KCND2: variants seen among roughly 807,000 people sequenced by gnomAD.
KCND2 encodes the protein A-type voltage-gated potassium channel KCND2.
KCND2 carries 16 observed loss-of-function variants against 54.4 expected under a neutral mutation model. The observed-to-expected ratio is 0.29, with a 90% confidence interval of 0.20 to 0.45. The LOEUF is 0.45. KCND2 is among the 20% of genes least tolerant of loss of function. The pLI is 1.00. For synonymous variants in KCND2, 317 were observed against 310.7 expected (o/e 1.02, Z -0.21); for missense variants, 486 against 824.2 (o/e 0.59, Z 5.02).
chr7:120,735,230 G>A (rs1048721383), intron 2 of KCND2, among the ~76,000 whole-genome samples: 1 of 151,970 alleles, frequency 6.6e-6, no homozygotes, highest in African/African-American at 2.4e-5. Context: ...GTAGTCTTAT[G>A]TAGGGAATAC....
rs181115405 is a variant in KCND2, at chr7:120,733,084, G to A, written c.1278+19G>A. ...ACAAAAGGTGCGTATTCAACTCCGT[G>A]CAACCATGGTTTAGCACTTCCCACT... On this transcript the variant is annotated intron_variant, in intron 2 of 5. Coordinates refer to ENST00000331113, the MANE Select transcript of KCND2 (RefSeq NM_012281.3). 1.2e-4 allele frequency: 201 copies of A among 1,612,860 alleles called. No individual in the cohort carries two copies. In the East Asian group the frequency reaches 3.6e-3, roughly 29 times the overall value.
At chr7:120,640,228 C>T (rs1409907059) in intron 1 of KCND2, among the ~76,000 whole-genome samples, 3 of 151,934 alleles carry the variant, frequency 2.0e-5, no homozygotes, top group Admixed American at 6.6e-5. Flanking sequence ...ATGTTGGCAC[C>T]ACCACCAAAG....
At chr7:120,647,679 AG>A (rs1370934725) in intron 1 of KCND2, among the ~76,000 whole-genome samples, 1 of 152,244 alleles carries the variant, frequency 6.6e-6, no homozygotes, top group Non-Finnish European at 1.5e-5. Context: ...ATTACTGTTT[AG>A]TACAATACTG....
At chr7:120,547,775 A>G (rs563398409) in intron 1 of KCND2, among the ~76,000 whole-genome samples, 1 of 152,214 alleles carries the variant, frequency 6.6e-6, no homozygotes, top group African/African-American at 2.4e-5. Context: ...TGTCTGTGCT[A>G]TAGAATGTCA....
intron 1 of KCND2, among the ~76,000 whole-genome samples, chr7:120,657,347 A>T (rs78877381): frequency 0.034 from 5,224 of 152,262 alleles, 211 homozygotes; most frequent in African/African-American, 0.1. Context: ...AGGCATTGAT[A>T]TCTATATATC....
intron 1 of KCND2, among the ~76,000 whole-genome samples, chr7:120,601,883 A>G (rs182598604): frequency 5.1e-4 from 77 of 152,318 alleles, no homozygotes; most frequent in African/African-American, 1.9e-3. Flanking sequence ...TTATAGGTTC[A>G]CCTGCTCACG....
At chr7:120,681,586 G>A (rs934431775) in intron 1 of KCND2, among the ~76,000 whole-genome samples, 3 of 151,602 alleles carry the variant, frequency 2.0e-5, no homozygotes, top group Non-Finnish European at 4.4e-5. Flanking sequence ...AAATGAAGAA[G>A]TATGTATTGC....
intron 1 of KCND2, among the ~76,000 whole-genome samples, chr7:120,475,625 C>A (rs769314999): frequency 1.2e-4 from 19 of 152,132 alleles, no homozygotes; most frequent in Non-Finnish European, 1.9e-4. Context: ...TGTCAAATAA[C>A]AACATGGTGG....
chr7:120,493,551 G>A (rs1043907988), intron 1 of KCND2, among the ~76,000 whole-genome samples: 4 of 151,988 alleles, frequency 2.6e-5, no homozygotes, highest in African/African-American at 9.7e-5. Flanking sequence ...ATAGAAAATT[G>A]ACAAAGGACA....
chr7:120,606,826 T>C (rs1458242152), intron 1 of KCND2, among the ~76,000 whole-genome samples: 3 of 152,154 alleles, frequency 2.0e-5, no homozygotes, highest in Non-Finnish European at 4.4e-5. Flanking sequence ...AATGGAAAGA[T>C]GTTCAGACCT....
At chr7:120,595,219 A>G (rs1056446319) in intron 1 of KCND2, among the ~76,000 whole-genome samples, 4 of 151,172 alleles carry the variant, frequency 2.6e-5, no homozygotes, top group African/African-American at 9.7e-5. Flanking sequence ...TTGGAGGCCG[A>G]GACGGGCAAA....
At chr7:120,697,461 A>G (rs532101541) in intron 1 of KCND2, among the ~76,000 whole-genome samples, 2 of 152,322 alleles carry the variant, frequency 1.3e-5, no homozygotes, top group South Asian at 2.1e-4. Flanking sequence ...ATTCCTCATA[A>G]CAAAGAGTCC....
At chr7:120,628,513 C>T (rs538186215) in intron 1 of KCND2, among the ~76,000 whole-genome samples, 1 of 152,148 alleles carries the variant, frequency 6.6e-6, no homozygotes, top group Non-Finnish European at 1.5e-5. Context: ...TGAGGTAATC[C>T]TAATTTTTCA....
intron 1 of KCND2, among the ~76,000 whole-genome samples, chr7:120,684,731 G>T (rs1434479717): frequency 6.6e-6 from 1 of 152,164 alleles, no homozygotes; most frequent in East Asian, 1.9e-4. Context: ...AGTATTTACA[G>T]CCACTCCCCA....
At chr7:120,295,400 A>ACACAAACACACC (rs1799497669) in intron 1 of KCND2, among the ~76,000 whole-genome samples, 3 of 149,748 alleles carry the variant, frequency 2.0e-5, no homozygotes, top group African/African-American at 7.5e-5. Flanking sequence ...ACAGACACAC[A>ACACAAACACACC]CACACACACA....
Position 120,598,191 on chromosome 7 carries a change from T to C in KCND2, c.1116-134712T>C, listed in dbSNP as rs114654298. Among the ~76,000 whole-genome samples, 745 of 152,302 alleles carry C rather than the reference T, an allele frequency of 4.9e-3. 8 individuals are homozygous for C. The highest frequency in any genetic ancestry group is 0.017 in the African/African-American group (704 of 41,576). ...AATGAGGAAAAGTCAATTCATTCTT[T>C]ATGACTTAAAATTTAATATCATTTA... On this transcript the variant is annotated intron_variant, in intron 1 of 5. Transcript: ENST00000331113.
intron 1 of KCND2, among the ~76,000 whole-genome samples, chr7:120,476,565 A>C (rs1802536286): frequency 1.3e-5 from 2 of 152,334 alleles, no homozygotes; most frequent in South Asian, 4.1e-4. Flanking sequence ...GTCAATTAAG[A>C]CATTAAACTT....
chr7:120,627,380 TC>T (rs1793176740), intron 1 of KCND2, among the ~76,000 whole-genome samples: 1 of 152,208 alleles, frequency 6.6e-6, no homozygotes, highest in Non-Finnish European at 1.5e-5. Flanking sequence ...GAGTGTTTAT[TC>T]CTTTTATCAA....
At chr7:120,613,409 T>TAATC (rs1389129916) in intron 1 of KCND2, among the ~76,000 whole-genome samples, 2 of 152,104 alleles carry the variant, frequency 1.3e-5, no homozygotes, top group Admixed American at 6.6e-5. Flanking sequence ...CGCACGCCTG[T>TAATC]AATCACAGTT....
Sources: allele counts gnomAD v4.1 joint callset (sites outside exome capture counted in the v4.1 genomes callset), GRCh38; gene constraint gnomAD v4.1.1; transcripts MANE v1.5; gene names NCBI Gene and HGNC (gene_info 2026-07-23, HGNC 2026-07-21).